Variants in FASN observed in about 807,000 individuals in gnomAD.
FASN encodes the protein fatty acid synthase.
FASN carries 50 observed loss-of-function variants against 250.0 expected under a neutral mutation model. The observed-to-expected ratio is 0.20, with a 90% CI of 0.16 to 0.25. FASN has a LOEUF of 0.25. Among genes scored for constraint, FASN ranks in the 10% least tolerant of loss-of-function variants. FASN has a pLI of 1.00. For synonymous variants in FASN, 1,909 were observed against 1,584.0 expected (o/e 1.21, Z -4.87); for missense variants, 3,031 against 3,498.5 (o/e 0.87, Z 3.37).
chr17:82,092,598 A>G lies in FASN; in HGVS notation c.895-9T>C. ...TCCTGGGGGTCGCCCACCTGTGGGA[A>G]ACATGGGGGGTGAGGGGCTCTGGCC... On this transcript the variant is annotated splice_polypyrimidine_tract_variant and intron_variant, in intron 7 of 42. Transcript: ENST00000306749. The G allele has an allele frequency of 6.3e-7, 1 of 1,593,584 alleles. No individual in the cohort carries two copies. Among genetic ancestry groups the G allele is most frequent in the South Asian group, 1.1e-5 (1 of 90,734 alleles).
In FASN at chr17:82,088,318, G is replaced by A. The variant is rs376111834; in HGVS notation, c.2594-11C>T. 3.7e-5 allele frequency: 59 copies of A among 1,608,190 alleles called. No homozygotes were observed. The highest frequency in any genetic ancestry group is 2.0e-4 in the South Asian group (18 of 91,088). Reference sequence around the variant, plus strand: ...ACTCGGAGCTGGTGTCTGCGGGAGGGCACAGGCCTCAGCACAGAGCGGGCG... The same window carrying A: ...ACTCGGAGCTGGTGTCTGCGGGAGGACACAGGCCTCAGCACAGAGCGGGCG... On this transcript the variant is annotated splice_polypyrimidine_tract_variant and intron_variant, in intron 16 of 42. Transcript: ENST00000306749.
Position 82,090,533 on chromosome 17 carries a change from C to T in FASN, c.1712G>A (p.Gly571Glu), listed in dbSNP as rs143978140. Residue 571 changes from glycine (G) to glutamate (E), a missense_variant, in exon 11 of 43, where the codon GGG (glycine) becomes GAG (glutamate). Physicochemically the swap from Gly to Glu is moderately conservative, Grantham distance 98 (BLOSUM62 -2). Coordinates refer to ENST00000306749, the MANE Select transcript of FASN (RefSeq NM_004104.5). ...GCCGACGATGCCATCTGGCCTCAGC[C>T]CCATGCAGCTCAGCAGGTCTATGAG... The part of the protein sequence containing the change: ...IGLIDLLSCM[G>E]LRPDGIVGHS... 93 of 1,612,068 alleles carry T rather than the reference C, an allele frequency of 5.8e-5. No homozygotes were observed. The African/African-American group carries it at 8.1e-4, about 14-fold the overall frequency.
At chr17:82,094,045 AG>A in intron 3 of FASN, 3 of 539,816 alleles carry the variant, frequency 5.6e-6, no homozygotes, top group Non-Finnish European at 1.0e-5. Context: ...AGGCGGGCCC[AG>A]GGGAGGGCAC....
rs1382804903 is a variant in FASN, at chr17:82,079,185, G to A, written c.7494C>T (p.His2498=). Residue 2498 remains histidine (H), a synonymous_variant, in exon 43 of 43, where the codon CAC becomes CAT. Coordinates refer to ENST00000306749, the MANE Select transcript of FASN (RefSeq NM_004104.5). ...SGLESIISII[H]SSLAEPRVSV... The stretch of plus-strand genomic sequence containing the variant: ...TCACGCGTGGCTCAGCCAGGGAGCT[G>A]TGGATGATGCTGATGATGGACTCCA... 6.2e-7 allele frequency: 1 copy of A among 1,612,788 alleles called. No homozygotes were observed. The highest frequency in any genetic ancestry group is 1.3e-5 in the African/African-American group (1 of 74,950).
At chr17:82,092,212 C>T (rs770485261) in intron 8 of FASN, among the ~76,000 whole-genome samples, 6 of 152,192 alleles carry the variant, frequency 3.9e-5, no homozygotes, top group African/African-American at 9.7e-5. Flanking sequence ...GCTCCGTGTC[C>T]GGCAGACGCT....
At chr17:82,079,828 C>T (rs1240077694) in intron 41 of FASN, 1 of 676,798 alleles carries the variant, frequency 1.5e-6, no homozygotes, top group African/African-American at 1.8e-5. Flanking sequence ...AGCGATTCTC[C>T]TCCCGAGTAG....
chr17:82,081,814 C>A lies in FASN; in HGVS notation c.6193G>T (p.Asp2065Tyr), dbSNP rs772957840. The A allele has an allele frequency of 6.2e-7, 1 of 1,610,420 alleles. No homozygotes were observed. Among genetic ancestry groups the A allele is most frequent in the Admixed American group, 1.7e-5 (1 of 59,948 alleles). The change falls in exon 37 of 43, where the codon GAC becomes TAC. Residue 2065 changes from aspartate to tyrosine, a missense_variant. Transcript: ENST00000306749. Reference protein sequence around the residue: ...GLAVQWGAIGDVGILVETMST... With the variant: ...GLAVQWGAIGYVGILVETMST... ...ATCGTCTCCACCAAAATGCCCACGT[C>A]GCCGATGGCGCCCCACTGCACGGCC...
In FASN at chr17:82,087,478, C is replaced by T. The variant is rs1457739871; in HGVS notation, c.3070G>A (p.Asp1024Asn). Residue 1024 changes from aspartate to asparagine, a missense_variant, in exon 20 of 43, where the codon GAT (aspartate) becomes AAT (asparagine). Coordinates refer to ENST00000306749, the MANE Select transcript of FASN (RefSeq NM_004104.5). ...GTGTCCATGAAGCTCACCCAGTTAT[C>T]CTTCCACAGCAGCCTCCCCGAGTCA... is the stretch of plus-strand genomic sequence containing the variant. ...EGDSGRLLWK[D>N]NWVSFMDTML... is the part of the protein sequence containing the mutation. The T allele has an allele frequency of 6.2e-7, 1 of 1,612,558 alleles. No homozygotes were observed.
intron 22 of FASN, 47 bp from the exon 23 acceptor site, chr17:82,085,918 C>T: frequency 6.8e-7 from 1 of 1,480,914 alleles, no homozygotes; most frequent in South Asian, 1.3e-5. Flanking sequence ...GGCAGGTGCC[C>T]CTGACCTGGG....
intron 15 of FASN, 65 bp from the exon 16 acceptor site, chr17:82,088,627 C>T (rs774577350): frequency 9.0e-5 from 140 of 1,554,616 alleles, no homozygotes; most frequent in Admixed American, 2.1e-4. Context: ...GGGTTCAGCC[C>T]ACCCACTGCC....
chr17:82,083,266 G>A lies in FASN; in HGVS notation c.5501C>T (p.Ala1834Val), dbSNP rs760365633. 6.2e-7 allele frequency: 1 copy of A among 1,612,678 alleles called. No homozygotes were observed. Among genetic ancestry groups the A allele is most frequent in the Admixed American group, 1.7e-5 (1 of 60,010 alleles). The part of the protein sequence containing the change: ...RPLKCTVFHG[A>V]QVEDAFRYMA... ...GTAGCGGAAGGCGTCCTCCACCTGG[G>A]CCCCATGGAACACCGTGCACTTGAG... is the stretch of plus-strand genomic sequence containing the variant. Residue 1834 changes from alanine (A) to valine (V), a missense_variant, in exon 32 of 43, where the codon GCC becomes GTC. Transcript: ENST00000306749.
At position 82,084,164 on chromosome 17, in the gene FASN, A is replaced by G; in HGVS notation, c.4920-11T>C. On this transcript the variant is annotated splice_polypyrimidine_tract_variant and intron_variant, in intron 28 of 42. Transcript: ENST00000306749. Reference sequence around the variant, plus strand: ...GCCTCCTCCAGCGTCCTGGGGATGCAGCAGGTGGGTCAGCACAGGCCTGGC... The same window carrying G: ...GCCTCCTCCAGCGTCCTGGGGATGCGGCAGGTGGGTCAGCACAGGCCTGGC... 1 of 1,603,832 alleles carries G rather than the reference A, an allele frequency of 6.2e-7. No individual in the cohort carries two copies. The highest frequency in any genetic ancestry group is 8.5e-7 in the Non-Finnish European group (1 of 1,176,030).
rs773577585 is a variant in FASN, at chr17:82,086,278, G to A, written c.3708C>T (p.Pro1236=). The A allele has an allele frequency of 1.3e-5, 21 of 1,581,902 alleles. No individual in the cohort carries two copies. In the Admixed American group the frequency reaches 2.8e-4, roughly 21 times the overall value. ...ACLDTAVENM[P]SLKMKVVEVL... ...CCTCCACCACCTTCATCTTCAGGCT[G>A]GGCATGTTCTCCACGGCAGTGTCCA... The change falls in exon 22 of 43, where the codon CCC becomes CCT. Residue 1236 remains proline (P), a synonymous_variant. Coordinates refer to ENST00000306749, the MANE Select transcript of FASN (RefSeq NM_004104.5).
rs1474166602 is a variant in FASN at position 82,082,900 on chromosome 17, C to T, written c.5767+14G>A. 2 of 1,612,296 alleles carry T rather than the reference C, an allele frequency of 1.2e-6. No individual in the cohort carries two copies. The highest frequency in any genetic ancestry group is 2.7e-5 in the African/African-American group (2 of 74,894). On this transcript the variant is annotated intron_variant, in intron 33 of 42. Transcript: ENST00000306749. Reference sequence around the variant, plus strand: ...CTGGCCCAGGCTGGTCCACAAGCACCCCTGCCGACTCACCTGTCCGGATCC... The same window carrying T: ...CTGGCCCAGGCTGGTCCACAAGCACTCCTGCCGACTCACCTGTCCGGATCC...
In FASN at chr17:82,078,892, C is replaced by A; in HGVS notation, c.*251G>T. 2 of 585,486 alleles carry A rather than the reference C, an allele frequency of 3.4e-6. No homozygotes were observed. Among genetic ancestry groups the A allele is most frequent in the Non-Finnish European group, 6.1e-6 (2 of 329,850 alleles). The allele number at this position is 585,486 out of a possible 1,614,324, so 36.3% of individuals were successfully genotyped here. ...CGAGGCCCAGCCCAGTTCCTGCGGG[C>A]ACGGGCACCACCGGCTCTTCACAGA... is the stretch of plus-strand genomic sequence containing the variant. On this transcript the variant is annotated 3_prime_UTR_variant, in exon 43 of 43. Transcript: ENST00000306749. The surrounding 1 kb of genome is among the most constrained non-coding windows in gnomAD (Gnocchi z 5.4).
rs749658578 is a variant in FASN, at chr17:82,080,798, C to G, written c.6720G>C (p.Ser2240=). ...TLMRLNSVQS[S]ERPLFLVHPI... Reference sequence around the variant, plus strand: ...GGTGCACCAGGAACAGGGGCCGCTCCGAGCTCTGCACGGAGTTGAGCCGCA... The same window carrying G: ...GGTGCACCAGGAACAGGGGCCGCTCGGAGCTCTGCACGGAGTTGAGCCGCA... Residue 2240 remains serine (S), a synonymous_variant, in exon 39 of 43, where the codon TCG becomes TCC. Coordinates refer to ENST00000306749, the MANE Select transcript of FASN (RefSeq NM_004104.5). 6.2e-7 allele frequency: 1 copy of G among 1,607,078 alleles called. No homozygotes were observed.
intron 3 of FASN, among the ~76,000 whole-genome samples, 189 bp downstream of exon 3, chr17:82,095,131 G>T (rs2034281853): frequency 6.6e-6 from 1 of 152,266 alleles, no homozygotes; most frequent in East Asian, 1.9e-4. Flanking sequence ...CCTCTGGGGT[G>T]CAGTTGGGAA....
chr17:82,083,968 G>A lies in FASN; in HGVS notation c.5098+7C>T, dbSNP rs1315467361. ...GGCAGCGGGAGGCACCGGGGGCGGG[G>A]CCTTACCCACGGTGGTGAAGACGCG... is the stretch of plus-strand genomic sequence containing the variant. On this transcript the variant is annotated splice_region_variant and intron_variant, in intron 29 of 42. Transcript: ENST00000306749. The A allele has an allele frequency of 3.2e-6, 5 of 1,542,010 alleles. No homozygotes were observed. Among genetic ancestry groups the A allele is most frequent in the Admixed American group, 2.0e-5 (1 of 50,942 alleles).
Position 82,084,844 on chromosome 17 carries a change from G to A in FASN, c.4519C>T (p.Arg1507Cys), listed in dbSNP as rs1026515361. The change falls in exon 26 of 43, where the codon CGC (arginine) becomes TGC (cysteine). Residue 1507 changes from arginine to cysteine, a missense_variant. Coordinates refer to ENST00000306749, the MANE Select transcript of FASN (RefSeq NM_004104.5). ...CGGAAAGCCCCCCAGGCCCCGTCGC[G>A]GTAGACGTTCATCACCAGGTCTCCC... The part of the protein sequence containing the change: ...LQGDLVMNVY[R>C]DGAWGAFRHF... The A allele has an allele frequency of 6.4e-7, 1 of 1,550,440 alleles. No homozygotes were observed. The highest frequency in any genetic ancestry group is 2.4e-5 in the East Asian group (1 of 40,920).
Sources: allele counts gnomAD v4.1 joint callset (sites outside exome capture counted in the v4.1 genomes callset), GRCh38; gene constraint gnomAD v4.1.1; non-coding constraint Gnocchi (gnomAD v3.1); transcripts MANE v1.5; gene names NCBI Gene and HGNC (gene_info 2026-07-23, HGNC 2026-07-21).